GRAMD1A: variants seen among roughly 807,000 people sequenced by gnomAD.
GRAMD1A encodes the protein GRAM domain containing 1A.
GRAMD1A carries 50 observed loss-of-function variants against 92.0 expected under a neutral mutation model. The ratio of observed to expected loss-of-function variants is 0.54; its 90% CI spans 0.43 to 0.69. GRAMD1A has a LOEUF of 0.69. Ranked by LOEUF, GRAMD1A falls within the 30% of genes least tolerant of loss-of-function variation. The pLI is 0.00. For missense variants in GRAMD1A, 819 were observed against 978.9 expected (o/e 0.84, Z 2.18); for synonymous variants, 405 against 403.6 (o/e 1.00, Z -0.04).
At chr19:35,022,335 C>T (rs1322180206) in intron 16 of GRAMD1A, among the ~76,000 whole-genome samples, 1 of 152,122 alleles carries the variant, frequency 6.6e-6, no homozygotes, top group Non-Finnish European at 1.5e-5. Flanking sequence ...GAATTAGGTG[C>T]ACAGGGAGAG....
intron 1 of GRAMD1A, chr19:35,005,889 C>G (rs533408611): frequency 2.2e-6 from 1 of 456,240 alleles, no homozygotes; most frequent in South Asian, 1.5e-5. Context: ...CAAAGAAGAA[C>G]TACGATCTGG....
intron 1 of GRAMD1A, among the ~76,000 whole-genome samples, chr19:35,007,681 A>G (rs566800166): frequency 1.3e-5 from 2 of 152,282 alleles, no homozygotes; most frequent in South Asian, 2.1e-4. Flanking sequence ...AGCCTGGGCA[A>G]CATAGCTAGA....
upstream of GRAMD1A, chr19:34,998,105 C>T (rs1040417860): frequency 2.1e-5 from 3 of 141,982 alleles, no homozygotes; most frequent in African/African-American, 5.2e-5. Flanking sequence ...AGGAAGGAAA[C>T]ACACCAACTG....
At chr19:34,996,192 T>C (rs917598801), upstream of GRAMD1A, 4 of 1,535,646 alleles carry the variant, frequency 2.6e-6, no homozygotes, top group African/African-American at 5.5e-5. Flanking sequence ...ATCATTCACA[T>C]AACGCCATCC....
In GRAMD1A at chr19:35,021,240, G is replaced by A. The variant is rs1332682855; in HGVS notation, c.1476-262G>A. ...AAGACGTCAGTCTGTGAGTAGACAG[G>A]GCTCAGGCCGCCGGGAGCGTTGCCC... On this transcript the variant is annotated intron_variant, in intron 13 of 19. Coordinates refer to ENST00000317991, the MANE Select transcript of GRAMD1A (RefSeq NM_020895.5). This position sits in a 1 kb window ranked among gnomAD's most constrained non-coding sequence, Gnocchi z 5.3. 1.3e-5 allele frequency among the ~76,000 whole-genome samples: 2 copies of A among 152,218 alleles called. No individual in the cohort carries two copies. The highest frequency in any genetic ancestry group is 4.8e-5 in the African/African-American group (2 of 41,454).
rs2151741951 is a variant in GRAMD1A, at chr19:35,026,082, A to T, written c.2116A>T (p.Ile706Phe). The T allele has an allele frequency of 1.9e-6, 3 of 1,607,618 alleles. No homozygotes were observed. Reference sequence around the variant, plus strand: ...CTCGCTGGAGAAGCTGCACCAAGGCATCACAGTCTCAGACCCTCCCTTTGA... The same window carrying T: ...CTCGCTGGAGAAGCTGCACCAAGGCTTCACAGTCTCAGACCCTCCCTTTGA... Reference protein sequence around the residue: ...KFSLEKLHQGITVSDPPFDTQ... With the variant: ...KFSLEKLHQGFTVSDPPFDTQ... Residue 706 changes from isoleucine (I) to phenylalanine (F), a missense_variant, in exon 20 of 20, where the codon ATC (isoleucine) becomes TTC (phenylalanine). This residue lies in a region of GRAMD1A where 577 missense variants were observed against 674.6 expected (regional missense o/e 0.86). Coordinates refer to ENST00000317991, the MANE Select transcript of GRAMD1A (RefSeq NM_020895.5).
upstream of GRAMD1A, chr19:34,998,232 A>G (rs1321195999): frequency 2.0e-5 from 3 of 151,814 alleles, no homozygotes; most frequent in Admixed American, 2.0e-4. Context: ...CTGAAGCAAA[A>G]TGGCAAAATG....
upstream of GRAMD1A, chr19:34,999,953 A>G: frequency 1.0e-6 from 1 of 981,770 alleles, no homozygotes; most frequent in Non-Finnish European, 1.2e-6. Context: ...CAGCATCTCC[A>G]GTCCTCCCCC....
At chr19:35,012,519 A>G (rs566333719) in intron 7 of GRAMD1A, among the ~76,000 whole-genome samples, 57 of 152,366 alleles carry the variant, frequency 3.7e-4, no homozygotes, top group African/African-American at 1.3e-3. Context: ...TCCCGAGGAC[A>G]CCTGGGAAAA....
upstream of GRAMD1A, among the ~76,000 whole-genome samples, chr19:34,997,492 G>A (rs2014090086): frequency 6.6e-6 from 1 of 152,068 alleles, no homozygotes; most frequent in Admixed American, 6.6e-5. Context: ...GACAGGAAAT[G>A]GGAGGTTCAG....
At chr19:35,000,269 C>A (rs1197852293), upstream of GRAMD1A, 9 of 1,027,530 alleles carry the variant, frequency 8.8e-6, no homozygotes, top group Non-Finnish European at 1.0e-5. This position sits in a 1 kb window ranked among gnomAD's most constrained non-coding sequence, Gnocchi z 4.9. Flanking sequence ...CGCGGCGGGG[C>A]GGGGGAAGGA....
At position 35,013,697 on chromosome 19, in the gene GRAMD1A, C is replaced by A; in HGVS notation, c.870+6C>A. 1.3e-6 allele frequency: 2 copies of A among 1,599,956 alleles called. No homozygotes were observed. The highest frequency in any genetic ancestry group is 2.7e-5 in the African/African-American group (2 of 74,486). ...GCAGCGACGCAGACCATGGGGTGAGCGGTGGGTTGGAAGAGGGGTGGGATA... is the reference window on the plus strand; with the variant it reads ...GCAGCGACGCAGACCATGGGGTGAGAGGTGGGTTGGAAGAGGGGTGGGATA... On this transcript the variant is annotated splice_donor_region_variant and intron_variant, in intron 9 of 19. Transcript: ENST00000317991. This position sits in a 1 kb window ranked among gnomAD's most constrained non-coding sequence, Gnocchi z 4.9.
At chr19:35,023,138 G>T in intron 17 of GRAMD1A, 98 bp from the exon 18 acceptor site, 1 of 902,370 alleles carries the variant, frequency 1.1e-6, no homozygotes. Flanking sequence ...CTCCTCCTCT[G>T]CAATGGGGGA....
In GRAMD1A at chr19:35,021,681, T is replaced by C; in HGVS notation, c.1580-10T>C. On this transcript the variant is annotated splice_polypyrimidine_tract_variant and intron_variant, in intron 14 of 19. Transcript: ENST00000317991. This position sits in a 1 kb window ranked among gnomAD's most constrained non-coding sequence, Gnocchi z 5.3. The stretch of plus-strand genomic sequence containing the variant: ...GTATGGACATCCAGAGCCCCCTCTC[T>C]TTTACGCAGAGCGAGAGCTCGCCAA... 6.2e-7 allele frequency: 1 copy of C among 1,614,102 alleles called. No homozygotes were observed. The highest frequency in any genetic ancestry group is 8.5e-7 in the Non-Finnish European group (1 of 1,180,002).
At chr19:35,000,026 G>T, upstream of GRAMD1A, 1 of 984,700 alleles carries the variant, frequency 1.0e-6, no homozygotes, top group Non-Finnish European at 1.2e-6. This position sits in a 1 kb window ranked among gnomAD's most constrained non-coding sequence, Gnocchi z 4.9. Flanking sequence ...CAGGGGCATA[G>T]TAGTTGCTAG....
At chr19:35,019,772 C>T (rs1023517858) in intron 13 of GRAMD1A, among the ~76,000 whole-genome samples, 1 of 152,166 alleles carries the variant, frequency 6.6e-6, no homozygotes, top group African/African-American at 2.4e-5. Flanking sequence ...CAAAGCCAGG[C>T]AATATCACCT....
In GRAMD1A at chr19:35,009,235, A is replaced by G. The variant is rs751484974; in HGVS notation, c.125A>G (p.Glu42Gly). 6.2e-7 allele frequency: 1 copy of G among 1,613,828 alleles called. No individual in the cohort carries two copies. The highest frequency in any genetic ancestry group is 1.1e-5 in the South Asian group (1 of 91,072). The stretch of plus-strand genomic sequence containing the variant: ...GAGCCAGAACCAGGCACCATGGTGG[A>G]GAAGGGATCAGATAGCTCCTCAGAG... ...PPEPEPGTMV[E>G]KGSDSSSEKG... The change falls in exon 2 of 20, where the codon GAG becomes GGG. Residue 42 changes from glutamate to glycine, a missense_variant. Around this residue, in one of 3 missense-constraint regions of GRAMD1A, gnomAD observed 98 missense variants for 84.0 expected, o/e 1.17. Transcript: ENST00000317991.
At chr19:35,019,127 C>G (rs1044434598) in intron 11 of GRAMD1A, 64 bp from the exon 12 acceptor site, 43 of 1,066,324 alleles carry the variant, frequency 4.0e-5, no homozygotes, top group Middle Eastern at 2.1e-4. Flanking sequence ...AAGGCTGAGT[C>G]TCCTGTGGCC....
chr19:35,026,440 C>A lies in GRAMD1A; in HGVS notation c.*299C>A, dbSNP rs955682976. The A allele has an allele frequency of 2.7e-6, 1 of 376,488 alleles. No homozygotes were observed. Among genetic ancestry groups the A allele is most frequent in the Admixed American group, 4.0e-5 (1 of 24,710 alleles). The allele number at this position is 376,488 out of a possible 1,614,324, so 23.3% of individuals were successfully genotyped here. A position where few individuals can be genotyped will look rare whatever the true frequency, so the allele number is the denominator to read the frequency against. ...TTAATGTATTATATTTATTTGGGGC[C>A]GACAGTGCCCCAATAAAGGGTCAGA... On this transcript the variant is annotated 3_prime_UTR_variant, in exon 20 of 20. Coordinates refer to ENST00000317991, the MANE Select transcript of GRAMD1A (RefSeq NM_020895.5).
Sources: gnomAD v4.1 joint callset for allele counts (sites outside exome capture counted in the v4.1 genomes callset) on GRCh38, gnomAD v4.1.1 for gene constraint, gnomAD v4.1.1 regional missense constraint, Gnocchi (gnomAD v3.1) non-coding constraint, MANE v1.5 for transcripts, NCBI Gene and HGNC (gene_info 2026-07-23, HGNC 2026-07-21) for gene names.